Variants in FSD2 observed in about 807,000 individuals in gnomAD.
The protein encoded by FSD2 is fibronectin type III and SPRY domain-containing protein 2.
FSD2 carries 71 observed loss-of-function variants against 80.4 expected under a neutral mutation model. That is an observed-to-expected ratio of 0.88 (90% CI 0.73 to 1.08). The LOEUF is 1.08. Ranked by LOEUF, FSD2 falls within the 50% of genes least tolerant of loss-of-function variation. The pLI is 0.00. For missense variants in FSD2, 923 were observed against 913.8 expected, an observed-to-expected ratio of 1.01 and a Z score of -0.13; for synonymous variants, 361 against 329.5, an observed-to-expected ratio of 1.10 and a Z score of -1.03.
Position 82,757,176 on chromosome 15 carries a change from T to C in FSD2, c.*2172A>G, listed in dbSNP as rs768047924. The C allele has an allele frequency of 6.6e-6, 1 of 152,192 alleles. No homozygotes were observed. Among genetic ancestry groups the C allele is most frequent in the Admixed American group, 6.5e-5 (1 of 15,278 alleles). The allele number at this position is 152,192 out of a possible 1,614,324, so 9.4% of individuals were successfully genotyped here. A position where few individuals can be genotyped will look rare whatever the true frequency, so the allele number is the denominator to read the frequency against. On this transcript the variant is annotated 3_prime_UTR_variant, in exon 13 of 13. Coordinates refer to ENST00000334574, the MANE Select transcript of FSD2 (RefSeq NM_001007122.4). ...TCAGGCAATTCTAGACAGTTTTTTC[T>C]TGGTCAAATAAAAATTTAATTAAAA...
chr15:82,783,151 T>C (rs1240882953), intron 3 of FSD2, 126 bp from the exon 4 acceptor site: 1 of 684,790 alleles, frequency 1.5e-6, no homozygotes, highest in East Asian at 2.6e-5. Context: ...CAGGCTGGAG[T>C]ACAGTAGTGT....
rs994074596 is a variant in FSD2, at chr15:82,782,736, C to T, written c.966+59G>A. 14 of 1,412,486 alleles carry T rather than the reference C, an allele frequency of 9.9e-6. No homozygotes were observed. In the African/African-American group the frequency reaches 1.3e-4, roughly 13 times the overall value. 87.5% of individuals were successfully genotyped at this position (1,412,486 alleles called of 1,614,324 possible). A position where few individuals can be genotyped will look rare whatever the true frequency, so the allele number is the denominator to read the frequency against. On this transcript the variant is annotated intron_variant, in intron 4 of 12. Transcript: ENST00000334574. ...TTACCTCAACCATAACTGTCGTTTC[C>T]GTTTATAATTCCATCTCTTTCCATT...
chr15:82,796,000 C>CTTTTTTT (rs143711664), intron 1 of FSD2, among the ~76,000 whole-genome samples: 1 of 117,504 alleles, frequency 8.5e-6, no homozygotes. Context: ...TTTTTCTTTT[C>CTTTTTTT]TTTTTTTTTT....
chr15:82,790,107 C>T (rs960214850), intron 1 of FSD2, among the ~76,000 whole-genome samples: 5 of 152,210 alleles, frequency 3.3e-5, no homozygotes, highest in East Asian at 1.9e-4. Context: ...ACCAGGGAGG[C>T]GGAGGTTGCA....
chr15:82,767,497 T>C lies in FSD2; in HGVS notation c.1553+1383A>G, dbSNP rs182804224. 2.4e-4 allele frequency among the ~76,000 whole-genome samples: 36 copies of C among 152,334 alleles called. No individual in the cohort carries two copies. In the East Asian group the frequency reaches 6.4e-3, roughly 27 times the overall value. ...GGGGCCAGAGCCTGTGAAGGAGTTT[T>C]GCCTTTTCTTCAGCAATGGGTCGCC... On this transcript the variant is annotated intron_variant, in intron 9 of 12. Transcript: ENST00000334574.
intron 9 of FSD2, 111 bp from the exon 10 acceptor site, chr15:82,766,142 TCTGACC>T (rs2049415553): frequency 8.3e-7 from 1 of 1,210,822 alleles, no homozygotes; most frequent in African/African-American, 1.5e-5. Flanking sequence ...GCTCCTGTCC[TCTGACC>T]CACATTTAAC....
intron 3 of FSD2, 70 bp downstream of exon 3, chr15:82,786,441 A>T: frequency 8.6e-7 from 1 of 1,166,504 alleles, no homozygotes; most frequent in Non-Finnish European, 1.3e-6. Flanking sequence ...CTCATACCAG[A>T]AACAGCTGCT....
At position 82,765,162 on chromosome 15, in the gene FSD2, G is replaced by T; in HGVS notation, c.1820+4C>A. 3 of 1,590,120 alleles carry T rather than the reference G, an allele frequency of 1.9e-6. No homozygotes were observed. On this transcript the variant is annotated splice_donor_region_variant and intron_variant, in intron 11 of 12. Transcript: ENST00000334574. The stretch of plus-strand genomic sequence containing the variant: ...AACGCCCTTGTGAGCGGTTGACAAA[G>T]TACCTGGTGAAGTGAGTGTCGCTGG...
chr15:82,784,252 T>G (rs2151516483), intron 3 of FSD2, among the ~76,000 whole-genome samples: 1 of 129,536 alleles, frequency 7.7e-6, no homozygotes, highest in Admixed American at 8.6e-5. Context: ...TTTATTTTAT[T>G]TTATTTTTTT....
intron 1 of FSD2, among the ~76,000 whole-genome samples, chr15:82,795,996 T>C (rs1447769228): frequency 1.5e-5 from 2 of 132,546 alleles, no homozygotes; most frequent in Non-Finnish European, 3.1e-5. Flanking sequence ...TTTCTTTTTC[T>C]TTTCTTTTTT....
Position 82,786,769 on chromosome 15 carries a change from C to T in FSD2, c.622G>A (p.Ala208Thr), listed in dbSNP as rs2050007974. 2 of 1,613,690 alleles carry T rather than the reference C, an allele frequency of 1.2e-6. No individual in the cohort carries two copies. The highest frequency in any genetic ancestry group is 1.7e-6 in the Non-Finnish European group (2 of 1,179,724). Reference protein sequence around the residue: ...KEHEVIPLNEALESAKDEIHK... With the variant: ...KEHEVIPLNETLESAKDEIHK... ...CTATTTACCTTGGCACTTTCCAGTG[C>T]TTCATTGAGTGGGATCACTTCATGC... The change falls in exon 2 of 13, where the codon GCA becomes ACA. Residue 208 changes from alanine (A) to threonine (T), a missense_variant. Transcript: ENST00000334574.
intron 1 of FSD2, among the ~76,000 whole-genome samples, chr15:82,805,617 A>G (rs2050508851): frequency 6.6e-6 from 1 of 152,226 alleles, no homozygotes; most frequent in African/African-American, 2.4e-5. Context: ...ACACAATAGT[A>G]TAGCCAGATG....
At position 82,778,763 on chromosome 15, in the gene FSD2, C is replaced by G. The variant is rs1220301169; in HGVS notation, c.1111+3G>C. 2 of 1,606,328 alleles carry G rather than the reference C, an allele frequency of 1.2e-6. No individual in the cohort carries two copies. Among genetic ancestry groups the G allele is most frequent in the Non-Finnish European group, 1.7e-6 (2 of 1,176,140 alleles). ...GCCGCGAAGTACACACACAGGTGAG[C>G]ACCTGGAATGGTGTTAATGGAGCCC... On this transcript the variant is annotated splice_donor_region_variant and intron_variant, in intron 6 of 12. Coordinates refer to ENST00000334574, the MANE Select transcript of FSD2 (RefSeq NM_001007122.4).
At position 82,757,058 on chromosome 15, in the gene FSD2, A is replaced by T. The variant is rs993611743; in HGVS notation, c.*2290T>A. On this transcript the variant is annotated 3_prime_UTR_variant, in exon 13 of 13. Transcript: ENST00000334574. ...GGTTCTGTTCTAGATGTTTTCTTCT[A>T]AATAAATGAGAAAGATGTTTCAACA... 11 of 152,330 alleles carry T rather than the reference A, an allele frequency of 7.2e-5. No homozygotes were observed. The highest frequency in any genetic ancestry group is 2.2e-4 in the African/African-American group (9 of 41,576). The allele number at this position is 152,330 out of a possible 1,614,324, so 9.4% of individuals were successfully genotyped here.
intron 4 of FSD2, among the ~76,000 whole-genome samples, chr15:82,782,348 C>T (rs939852378): frequency 3.3e-5 from 5 of 151,936 alleles, no homozygotes; most frequent in African/African-American, 9.7e-5. Flanking sequence ...GGCGGTGAGC[C>T]GAGATCGCGC....
chr15:82,779,836 C>G (rs1237244069), intron 5 of FSD2, among the ~76,000 whole-genome samples: 1 of 152,036 alleles, frequency 6.6e-6, no homozygotes, highest in East Asian at 1.9e-4. Context: ...ATTAGATTTG[C>G]TCAAGGTCAT....
chr15:82,780,887 T>A (rs2049840175), intron 4 of FSD2, among the ~76,000 whole-genome samples: 1 of 152,148 alleles, frequency 6.6e-6, no homozygotes, highest in African/African-American at 2.4e-5. Flanking sequence ...AGTACTGCTT[T>A]TCCCCATCAA....
At chr15:82,765,055 A>G in intron 11 of FSD2, 111 bp downstream of exon 11, 1 of 1,282,410 alleles carries the variant, frequency 7.8e-7, no homozygotes, top group East Asian at 2.7e-5. Flanking sequence ...ACTCATTTGT[A>G]GGATTCCTTT....
At chr15:82,783,285 G>C (rs1050751269) in intron 3 of FSD2, among the ~76,000 whole-genome samples, 2 of 152,082 alleles carry the variant, frequency 1.3e-5, no homozygotes, top group Non-Finnish European at 2.9e-5. Flanking sequence ...TTTTAGTAGA[G>C]ATGGGGTTTC....
Sources: gnomAD v4.1 joint callset for allele counts (sites outside exome capture counted in the v4.1 genomes callset) on GRCh38, gnomAD v4.1.1 for gene constraint, MANE v1.5 for transcripts, NCBI Gene and HGNC (gene_info 2026-07-23, HGNC 2026-07-21) for gene names.